Variants in TNRC6B observed in about 807,000 individuals in gnomAD.
The protein encoded by TNRC6B is trinucleotide repeat-containing gene 6B protein.
In TNRC6B, 52 loss-of-function variants were observed where a neutral mutation model predicts 203.6. The observed-to-expected ratio is 0.26, with a 90% confidence interval of 0.20 to 0.32. TNRC6B has a LOEUF of 0.32. TNRC6B is among the 10% of genes least tolerant of loss of function. TNRC6B has a pLI of 1.00. For missense variants in TNRC6B, 1,923 were observed against 2,286.2 expected (o/e 0.84, Z 3.24); for synonymous variants, 838 against 845.7 (o/e 0.99, Z 0.16).
chr22:40,261,699 CCGA>C, intron 3 of TNRC6B, 130 bp from the exon 4 acceptor site: 4 of 751,188 alleles, frequency 5.3e-6, no homozygotes, highest in Admixed American at 7.5e-5. Flanking sequence ...TCCCTTGAGC[CCGA>C]GTTCAAGACC....
At chr22:40,260,488 G>A (rs960269244) in intron 3 of TNRC6B, among the ~76,000 whole-genome samples, 3 of 152,192 alleles carry the variant, frequency 2.0e-5, no homozygotes, top group Non-Finnish European at 4.4e-5. Flanking sequence ...ACTTGTAGAT[G>A]GAGAATTTCG....
intron 1 of TNRC6B, among the ~76,000 whole-genome samples, chr22:40,193,948 T>G (rs1391166117): frequency 6.6e-6 from 1 of 152,122 alleles, no homozygotes; most frequent in East Asian, 1.9e-4. Context: ...ATTGCAGTGA[T>G]CTGTGGCTGT....
chr22:40,290,058 A>G (rs1374920748), intron 12 of TNRC6B, among the ~76,000 whole-genome samples: 2 of 152,156 alleles, frequency 1.3e-5, no homozygotes, highest in African/African-American at 4.8e-5. Context: ...GTTTCTGTCT[A>G]GGTTATTGCA....
At chr22:40,102,216 CAAG>C (rs1008855134) in intron 1 of TNRC6B, among the ~76,000 whole-genome samples, 7 of 152,018 alleles carry the variant, frequency 4.6e-5, no homozygotes, top group African/African-American at 1.7e-4. Context: ...TGGACAAAAA[CAAG>C]GAGGGAGATA....
chr22:40,324,290 G>GTT lies in TNRC6B; in HGVS notation c.*1063_*1064dup, dbSNP rs71722737. On this transcript the variant is annotated 3_prime_UTR_variant, in exon 23 of 23. Transcript: ENST00000454349. Reference sequence around the variant, plus strand: ...TTGGAGCAACGGTGTGTTTATTTCTGTTTTTTTTTTTTTTTAAGTGAATGG... The same window carrying GTT: ...TTGGAGCAACGGTGTGTTTATTTCTGTTTTTTTTTTTTTTTTTAAGTGAATGG... 20 of 137,256 alleles carry GTT rather than the reference G, an allele frequency of 1.5e-4. No homozygotes were observed. Among genetic ancestry groups the GTT allele is most frequent in the African/African-American group, 2.9e-4 (11 of 37,598 alleles). The allele number at this position is 137,256 out of a possible 1,614,324, so 8.5% of individuals were successfully genotyped here.
intron 1 of TNRC6B, among the ~76,000 whole-genome samples, chr22:40,245,711 CGTGTGTGT>C (rs66501173): frequency 4.0e-5 from 6 of 151,012 alleles, no homozygotes; most frequent in African/African-American, 1.5e-4. Flanking sequence ...GGAAATTAAT[CGTGTGTGT>C]GTGTGTGTGT....
At chr22:40,258,071 C>CTTTTTTGTTTTTTT (rs2070309806) in intron 3 of TNRC6B, among the ~76,000 whole-genome samples, 1 of 28,700 alleles carries the variant, frequency 3.5e-5, no homozygotes, top group African/African-American at 1.4e-4. Flanking sequence ...GATACACAGC[C>CTTTTTTGTTTTTTT]TTTTTTTTTT....
At chr22:40,057,194 G>A (rs2067805172) in intron 1 of TNRC6B, among the ~76,000 whole-genome samples, 1 of 152,016 alleles carries the variant, frequency 6.6e-6, no homozygotes, top group Non-Finnish European at 1.5e-5. Flanking sequence ...TATGACAAGG[G>A]AACATGTTTA....
intron 1 of TNRC6B, among the ~76,000 whole-genome samples, chr22:40,089,038 A>C (rs1214816324): frequency 6.6e-6 from 1 of 152,188 alleles, no homozygotes; most frequent in African/African-American, 2.4e-5. Flanking sequence ...TGTGGAACAT[A>C]CCAGTGATCT....
intron 3 of TNRC6B, among the ~76,000 whole-genome samples, chr22:40,128,616 C>G (rs2068515614): frequency 6.6e-6 from 1 of 151,788 alleles, no homozygotes; most frequent in African/African-American, 2.4e-5. Context: ...CTCAACCACC[C>G]AGCCTCAAGC....
intron 7 of TNRC6B, among the ~76,000 whole-genome samples, chr22:40,275,428 T>C (rs1022880181): frequency 2.6e-5 from 4 of 152,206 alleles, no homozygotes; most frequent in African/African-American, 9.7e-5. Flanking sequence ...ATTCTGACTT[T>C]ATATACCGAG....
In TNRC6B at chr22:40,310,857, G is replaced by A. The variant is rs750851269; in HGVS notation, c.4299G>A (p.Pro1433=). Residue 1433 remains proline (P), a synonymous_variant, in exon 17 of 23, where the codon CCG becomes CCA. Coordinates refer to ENST00000454349, the MANE Select transcript of TNRC6B (RefSeq NM_001162501.2). ...VAPGKTRGGS[P]YNQFDIIPGD... ...CTGGTAAAACCCGGGGAGGGTCACC[G>A]TACAACCAGTTTGATATCATCCCTG... The A allele has an allele frequency of 3.7e-5, 60 of 1,612,666 alleles. No individual in the cohort carries two copies. The highest frequency in any genetic ancestry group is 2.3e-4 in the African/African-American group (17 of 74,880).
intron 1 of TNRC6B, among the ~76,000 whole-genome samples, chr22:40,238,837 C>G (rs2069985678): frequency 6.6e-6 from 1 of 152,200 alleles, no homozygotes; most frequent in Non-Finnish European, 1.5e-5. Context: ...GCCTTTCTCC[C>G]CCACTGGGAT....
chr22:40,052,642 T>G (rs1164110354), intron 1 of TNRC6B, among the ~76,000 whole-genome samples: 1 of 151,886 alleles, frequency 6.6e-6, no homozygotes, highest in Admixed American at 6.6e-5. Context: ...AGAGATGAGG[T>G]CTCACTATGT....
intron 1 of TNRC6B, among the ~76,000 whole-genome samples, chr22:40,060,792 A>G (rs2067843233): frequency 1.3e-5 from 2 of 152,182 alleles, no homozygotes; most frequent in Non-Finnish European, 2.9e-5. Flanking sequence ...TTGTAACAAT[A>G]TGTGTGAAGT....
intron 3 of TNRC6B, among the ~76,000 whole-genome samples, chr22:40,155,548 A>G (rs1419951341): frequency 6.6e-6 from 1 of 151,976 alleles, no homozygotes; most frequent in Non-Finnish European, 1.5e-5. Context: ...TGGCCTCCCA[A>G]AGTGCTGGGA....
intron 12 of TNRC6B, among the ~76,000 whole-genome samples, chr22:40,296,079 C>T (rs1023957689): frequency 6.6e-6 from 1 of 152,054 alleles, no homozygotes; most frequent in Admixed American, 6.6e-5. Flanking sequence ...GCCACAGTAC[C>T]CTCTTTACTA....
intron 11 of TNRC6B, among the ~76,000 whole-genome samples, chr22:40,284,380 C>A (rs2070756789): frequency 1.3e-5 from 2 of 152,150 alleles, no homozygotes; most frequent in Non-Finnish European, 2.9e-5. Context: ...TTACAAAATT[C>A]TTTAAAATTA....
At chr22:40,174,228 A>C (rs1489905742), upstream of TNRC6B, among the ~76,000 whole-genome samples, 2 of 151,060 alleles carry the variant, frequency 1.3e-5, no homozygotes, top group African/African-American at 2.4e-5. Context: ...TAGTGGCACG[A>C]CCTTGCTCAC....
Sources: gnomAD v4.1 joint callset for allele counts (sites outside exome capture counted in the v4.1 genomes callset) on GRCh38, gnomAD v4.1.1 for gene constraint, MANE v1.5 for transcripts, NCBI Gene and HGNC (gene_info 2026-07-23, HGNC 2026-07-21) for gene names.